Variants in SERPINB7 observed in about 807,000 individuals in gnomAD.
SERPINB7 encodes serpin B7.
A neutral mutation model predicts 37.4 loss-of-function variants in SERPINB7; 31 were observed. That is an observed-to-expected ratio of 0.83 (90% confidence interval 0.62 to 1.12). SERPINB7 has a LOEUF of 1.12. Ranked by LOEUF, SERPINB7 falls within the 50% of genes most tolerant of loss-of-function variation. The pLI, the probability that SERPINB7 is intolerant of heterozygous loss-of-function variation, is 0.00. For missense variants in SERPINB7, 521 were observed against 455.3 expected, an observed-to-expected ratio of 1.14 and a Z score of -1.31; for synonymous variants, 163 against 166.1, an observed-to-expected ratio of 0.98 and a Z score of 0.14.
chr18:63,794,496 C>G (rs1456964840), intron 4 of SERPINB7, among the ~76,000 whole-genome samples: 1 of 151,992 alleles, frequency 6.6e-6, no homozygotes, highest in Non-Finnish European at 1.5e-5. Context: ...CAAGACCATC[C>G]TGGCTAACAC....
intron 2 of SERPINB7, among the ~76,000 whole-genome samples, chr18:63,785,549 A>G (rs1212946196): frequency 1.3e-5 from 2 of 152,296 alleles, no homozygotes; most frequent in East Asian, 3.9e-4. Flanking sequence ...TCTATTAAAT[A>G]TATAGTATAG....
At chr18:63,786,388 C>T (rs147129704) in intron 2 of SERPINB7, among the ~76,000 whole-genome samples, 8 of 151,024 alleles carry the variant, frequency 5.3e-5, no homozygotes, top group African/African-American at 7.3e-5. Flanking sequence ...GAAATATATA[C>T]GTATACACAC....
intron 1 of SERPINB7, among the ~76,000 whole-genome samples, chr18:63,756,804 TTGTGTGTGTGTGTGTGTGTG>T (rs74169985): frequency 1.5e-5 from 2 of 137,264 alleles, no homozygotes; most frequent in Admixed American, 7.3e-5. Context: ...TTGGGGTAGC[TTGTGTGTGTGTGTGTGTGTG>T]TGTGTGTGTG....
Position 63,796,335 on chromosome 18 carries a change from G to A in SERPINB7, c.406G>A (p.Glu136Lys), listed in dbSNP as rs545063227. The A allele has an allele frequency of 2.2e-5, 36 of 1,612,456 alleles. 1 individual carries two copies. The South Asian group carries it at 3.8e-4, about 17-fold the overall frequency. ...VERVDFTNHL[E>K]DTRRNINKWV... ...GCGAGTTGACTTTACGAATCATTTAGAAGACACTAGACGTAATATTAATAA... is the reference window on the plus strand; with the variant it reads ...GCGAGTTGACTTTACGAATCATTTAAAAGACACTAGACGTAATATTAATAA... Residue 136 changes from glutamate to lysine, a missense_variant, in exon 5 of 8, where the codon GAA (glutamate) becomes AAA (lysine). Glu to Lys is a moderately conservative substitution (Grantham distance 56). Coordinates refer to ENST00000398019, the MANE Select transcript of SERPINB7 (RefSeq NM_003784.4).
At chr18:63,791,233 T>C (rs998980942) in intron 2 of SERPINB7, among the ~76,000 whole-genome samples, 2 of 152,180 alleles carry the variant, frequency 1.3e-5, no homozygotes, top group Non-Finnish European at 2.9e-5. Flanking sequence ...GGCATGTGTA[T>C]ACCTATGTAA....
rs2049590477 is a variant in SERPINB7, at chr18:63,804,774, G to T, written c.*139G>T. 2.3e-6 allele frequency: 2 copies of T among 859,188 alleles called. No individual in the cohort carries two copies. Among genetic ancestry groups the T allele is most frequent in the Non-Finnish European group, 3.5e-6 (2 of 569,580 alleles). 53.2% of individuals were successfully genotyped at this position (859,188 alleles called of 1,614,324 possible). A position where few individuals can be genotyped will look rare whatever the true frequency, so the allele number is the denominator to read the frequency against. On this transcript the variant is annotated 3_prime_UTR_variant, in exon 8 of 8. Transcript: ENST00000398019. ...CTAACATTGGTCAGCAGATGACACT[G>T]GTGACTTGACCCTTCCTAGACACCT... is the stretch of plus-strand genomic sequence containing the variant.
chr18:63,762,620 C>T (rs1003809292), intron 1 of SERPINB7, among the ~76,000 whole-genome samples: 1 of 152,190 alleles, frequency 6.6e-6, no homozygotes, highest in Non-Finnish European at 1.5e-5. Flanking sequence ...ATTTCCCCCC[C>T]ATGATAGCTC....
upstream of SERPINB7, among the ~76,000 whole-genome samples, chr18:63,772,101 G>A (rs2049215012): frequency 6.6e-6 from 1 of 151,964 alleles, no homozygotes; most frequent in Non-Finnish European, 1.5e-5. Context: ...CTGGAGGGCG[G>A]GAGAAGGGAG....
chr18:63,782,826 G>A (rs187715610), intron 2 of SERPINB7, among the ~76,000 whole-genome samples: 4 of 152,056 alleles, frequency 2.6e-5, no homozygotes, highest in African/African-American at 9.7e-5. Context: ...CATCAGCACC[G>A]CCTGGAGAAC....
chr18:63,782,620 T>TTAA, intron 2 of SERPINB7, 80 bp downstream of exon 2: 4 of 1,358,508 alleles, frequency 2.9e-6, no homozygotes, highest in Non-Finnish European at 4.0e-6. Flanking sequence ...GGTCCCCATG[T>TTAA]TAATGGAGGT....
intron 1 of SERPINB7, among the ~76,000 whole-genome samples, chr18:63,767,078 T>A (rs1380199022): frequency 2.0e-5 from 3 of 152,148 alleles, no homozygotes; most frequent in Non-Finnish European, 2.9e-5. Context: ...GAGTAGAGGC[T>A]GTCATTCCAG....
intron 6 of SERPINB7, among the ~76,000 whole-genome samples, chr18:63,799,295 A>G (rs1027838089): frequency 2.2e-4 from 34 of 152,348 alleles, no homozygotes; most frequent in African/African-American, 7.2e-4. Context: ...TGGGTTTTAA[A>G]ATCAATTTGT....
At chr18:63,774,255 A>T (rs907558598), upstream of SERPINB7, among the ~76,000 whole-genome samples, 5 of 152,138 alleles carry the variant, frequency 3.3e-5, no homozygotes, top group Admixed American at 6.5e-5. Context: ...ATTTTGGATA[A>T]GTTAACAGGA....
At chr18:63,793,025 G>A in intron 3 of SERPINB7, 136 bp from the exon 4 acceptor site, 2 of 441,444 alleles carry the variant, frequency 4.5e-6, no homozygotes, top group South Asian at 8.1e-5. Context: ...GATGTATGTG[G>A]CCTTGTTTGC....
chr18:63,775,292 A>G (rs1424322530), upstream of SERPINB7: 4 of 152,196 alleles, frequency 2.6e-5, no homozygotes, highest in South Asian at 2.1e-4. Flanking sequence ...AATGAACTAC[A>G]TAACAACCAC....
rs755594534 is a variant in SERPINB7 at position 63,804,278 on chromosome 18, C to G, written c.786C>G (p.Thr262=). ...CCTTTCAGAATCTAATGGAATGGAC[C>G]AATCCAAGGCGAATGACCTCTAAGT... The part of the protein sequence containing the change: ...KLTFQNLMEW[T]NPRRMTSKYV... Residue 262 remains threonine, a synonymous_variant, in exon 8 of 8, where the codon ACC becomes ACG. Coordinates refer to ENST00000398019, the MANE Select transcript of SERPINB7 (RefSeq NM_003784.4). The G allele has an allele frequency of 5.0e-6, 8 of 1,595,718 alleles. No homozygotes were observed. The highest frequency in any genetic ancestry group is 6.8e-6 in the Non-Finnish European group (8 of 1,173,928).
intron 1 of SERPINB7, among the ~76,000 whole-genome samples, chr18:63,755,729 C>T (rs2049118260): frequency 6.6e-6 from 1 of 151,584 alleles, no homozygotes; most frequent in South Asian, 2.1e-4. Context: ...CCTGTCTCTA[C>T]AAAAAATTAA....
At chr18:63,768,249 G>A (rs186857237) in intron 1 of SERPINB7, among the ~76,000 whole-genome samples, 4 of 147,358 alleles carry the variant, frequency 2.7e-5, no homozygotes, top group Non-Finnish European at 1.5e-5. Flanking sequence ...TAGATTATTG[G>A]TTTGAGACTG....
At chr18:63,791,832 G>A (rs185683389) in intron 2 of SERPINB7, among the ~76,000 whole-genome samples, 9 of 152,100 alleles carry the variant, frequency 5.9e-5, no homozygotes, top group African/African-American at 1.9e-4. Flanking sequence ...GGATGGTCTC[G>A]ATCTCCTGAC....
Sources: gnomAD v4.1 joint callset for allele counts (sites outside exome capture counted in the v4.1 genomes callset) on GRCh38, gnomAD v4.1.1 for gene constraint, MANE v1.5 for transcripts, NCBI Gene and HGNC (gene_info 2026-07-23, HGNC 2026-07-21) for gene names.